USP34: variants seen among roughly 807,000 people sequenced by gnomAD.
USP34 encodes the protein ubiquitin specific peptidase 34, also known as ubiquitin carboxyl-terminal hydrolase 34.
USP34 carries 70 observed loss-of-function variants against 460.3 expected under a neutral mutation model. The ratio of observed to expected loss-of-function variants is 0.15; its 90% CI spans 0.13 to 0.19. The LOEUF is 0.19. USP34 is among the 10% of genes least tolerant of loss of function. USP34 has a pLI of 1.00. For missense variants in USP34, 3,985 were observed against 4,236.2 expected (o/e 0.94, Z 1.65); for synonymous variants, 1,647 against 1,405.3 (o/e 1.17, Z -3.85).
chr2:61,371,456 AAG>A (rs1491079544), intron 8 of USP34, among the ~76,000 whole-genome samples: 6 of 151,588 alleles, frequency 4.0e-5, no homozygotes, highest in Admixed American at 4.0e-4. Flanking sequence ...AAAAAAAAAA[AAG>A]GAAAGAAAAC....
At chr2:61,466,235 G>A (rs1695758913) in intron 1 of USP34, among the ~76,000 whole-genome samples, 1 of 151,974 alleles carries the variant, frequency 6.6e-6, no homozygotes, top group South Asian at 2.1e-4. Flanking sequence ...GACCAGCCTG[G>A]CCAACGTGGT....
At chr2:61,316,364 A>C (rs144926897) in intron 23 of USP34, among the ~76,000 whole-genome samples, 2,754 of 142,470 alleles carry the variant, frequency 0.019, 29 homozygotes, top group Non-Finnish European at 0.025. Flanking sequence ...GCGGGTGGAA[A>C]ACTTGAGGTC....
chr2:61,395,292 A>G (rs1693483109), intron 3 of USP34, 59 bp from the exon 4 acceptor site: 2 of 1,030,808 alleles, frequency 1.9e-6, no homozygotes, highest in South Asian at 2.8e-5. Context: ...TTTAAAAAAT[A>G]CAATTCTATA....
In USP34 at chr2:61,265,995, T is replaced by C. The variant is rs1272477518; in HGVS notation, c.5606A>G (p.Gln1869Arg). 1 of 1,604,320 alleles carries C rather than the reference T, an allele frequency of 6.2e-7. No individual in the cohort carries two copies. Among genetic ancestry groups the C allele is most frequent in the African/African-American group, 1.3e-5 (1 of 74,780 alleles). ...YRLIHNWVMA[Q>R]HMQSHAPYKW... ...AGAAGAATGCTTACACTGCATGTGT[T>C]GTGCCATAACCCAGTTGTGTATTAG... Residue 1869 changes from glutamine (Q) to arginine (R), a missense_variant, in exon 42 of 80, where the codon CAA (glutamine) becomes CGA (arginine). By Grantham distance (43) the Gln-to-Arg change is conservative. Coordinates refer to ENST00000398571, the MANE Select transcript of USP34 (RefSeq NM_014709.4).
At chr2:61,386,350 A>C (rs1378936284) in intron 5 of USP34, among the ~76,000 whole-genome samples, 4 of 152,216 alleles carry the variant, frequency 2.6e-5, no homozygotes, top group Non-Finnish European at 5.9e-5. Flanking sequence ...GGAACACTGG[A>C]TATCTGTATG....
rs75918470 is a variant in USP34 at position 61,394,582 on chromosome 2, A to G, written c.753+271T>C. Among the ~76,000 whole-genome samples the G allele has an allele frequency of 2.3e-3, 351 of 152,010 alleles. 6 individuals carry two copies. In the East Asian group the frequency reaches 0.047, roughly 20 times the overall value. On this transcript the variant is annotated intron_variant, in intron 5 of 79. Transcript: ENST00000398571. ...AATAAGTTAAAAAATGAAAATTAGC[A>G]AAAGTTTTATGCAGTCACCTATCTT...
At position 61,230,556 on chromosome 2, in the gene USP34, A is replaced by C. The variant is rs2103830464; in HGVS notation, c.7114-923T>G. Among the ~76,000 whole-genome samples the C allele has an allele frequency of 2.0e-5, 3 of 152,016 alleles. No homozygotes were observed. In the Middle Eastern group the frequency reaches 0.01, roughly 517 times the overall value. ...ACACCAACCAACCAACCAAACAAAAAACACCAGTTTACCGCTGGTGCAGTG... is the reference window on the plus strand; with the variant it reads ...ACACCAACCAACCAACCAAACAAAACACACCAGTTTACCGCTGGTGCAGTG... On this transcript the variant is annotated intron_variant, in intron 58 of 79. Coordinates refer to ENST00000398571, the MANE Select transcript of USP34 (RefSeq NM_014709.4).
In USP34 at chr2:61,229,472, A is replaced by C. The variant is rs1196064689; in HGVS notation, c.7199+76T>G. The C allele has an allele frequency of 2.8e-3, 1,954 of 694,356 alleles. 9 individuals carry two copies. The highest frequency in any genetic ancestry group is 3.3e-3 in the Non-Finnish European group (1,643 of 493,002). 43.0% of individuals were successfully genotyped at this position (694,356 alleles called of 1,614,324 possible). On this transcript the variant is annotated intron_variant, in intron 59 of 79. Coordinates refer to ENST00000398571, the MANE Select transcript of USP34 (RefSeq NM_014709.4). The stretch of plus-strand genomic sequence containing the variant: ...CCCTATCTCTTAAAAAAAAAAAAAA[A>C]AAACAAAAAAAAAAAACAAAAACAC...
chr2:61,452,568 C>T (rs115202596), intron 1 of USP34, among the ~76,000 whole-genome samples: 2,206 of 151,866 alleles, frequency 0.015, 43 homozygotes, highest in African/African-American at 0.049. Flanking sequence ...GTGATCCACC[C>T]GCCTCAGCCT....
At chr2:61,207,692 A>G (rs1390161838) in intron 70 of USP34, 1 of 152,220 alleles carries the variant, frequency 6.6e-6, no homozygotes, top group African/African-American at 2.4e-5. Flanking sequence ...TTTTTTTTCT[A>G]AAAATACAAC....
intron 7 of USP34, among the ~76,000 whole-genome samples, chr2:61,379,780 A>G (rs767254112): frequency 1.3e-5 from 2 of 152,266 alleles, no homozygotes; most frequent in African/African-American, 2.4e-5. Flanking sequence ...CAAAACAAAC[A>G]TTTAGTAAAA....
At chr2:61,231,734 T>C (rs1306316094) in intron 58 of USP34, among the ~76,000 whole-genome samples, 2 of 150,704 alleles carry the variant, frequency 1.3e-5, no homozygotes, top group Admixed American at 1.3e-4. Flanking sequence ...AAAACAAAAT[T>C]ACCAGGTGTG....
intron 1 of USP34, among the ~76,000 whole-genome samples, chr2:61,442,686 G>T (rs752001763): frequency 6.6e-6 from 1 of 152,134 alleles, no homozygotes; most frequent in East Asian, 1.9e-4. Flanking sequence ...AGCCACTATA[G>T]AGAACAGTAT....
In USP34 at chr2:61,280,271, G is replaced by T; in HGVS notation, c.5229C>A (p.Asp1743Glu). Residue 1743 changes from aspartate to glutamate, a missense_variant, in exon 39 of 80, where the codon GAC (aspartate) becomes GAA (glutamate). By Grantham distance (45) the Asp-to-Glu change is conservative (BLOSUM62 2). Around this residue, in one of 14 missense-constraint regions of USP34, gnomAD observed 1,114 missense variants for 1,122.5 expected, o/e 0.99. Coordinates refer to ENST00000398571, the MANE Select transcript of USP34 (RefSeq NM_014709.4). ...EYFWLLCKLV[D>E]NIHIKDASQT... The stretch of plus-strand genomic sequence containing the variant: ...GACTAGCGTCCTTTATATGTATGTT[G>T]TCAACTAATTTGCATAACAACCAAA... 6.4e-7 allele frequency: 1 copy of T among 1,559,758 alleles called. No homozygotes were observed. The highest frequency in any genetic ancestry group is 8.7e-7 in the Non-Finnish European group (1 of 1,154,336).
chr2:61,249,565 C>T (rs1688517779), intron 48 of USP34, among the ~76,000 whole-genome samples: 1 of 152,214 alleles, frequency 6.6e-6, no homozygotes, highest in Non-Finnish European at 1.5e-5. Flanking sequence ...TATTCTAAAT[C>T]ACATTCTTAT....
chr2:61,426,887 G>A (rs1694527883), intron 1 of USP34, among the ~76,000 whole-genome samples: 1 of 152,204 alleles, frequency 6.6e-6, no homozygotes, highest in Non-Finnish European at 1.5e-5. Flanking sequence ...GAGAAAGTAA[G>A]GAAAGAGAAC....
At chr2:61,341,257 A>G (rs1194617203) in intron 16 of USP34, among the ~76,000 whole-genome samples, 1 of 152,240 alleles carries the variant, frequency 6.6e-6, no homozygotes, top group Non-Finnish European at 1.5e-5. Flanking sequence ...ATAAAGCAGC[A>G]CACATGAACA....
chr2:61,283,550 C>T (rs996396775), intron 35 of USP34, 101 bp from the exon 36 acceptor site: 11 of 1,293,238 alleles, frequency 8.5e-6, no homozygotes, highest in South Asian at 1.5e-5. Flanking sequence ...ACTTCCCCCC[C>T]AAAAAAGGAA....
chr2:61,297,415 G>C (rs1690061688), intron 29 of USP34, among the ~76,000 whole-genome samples: 1 of 152,192 alleles, frequency 6.6e-6, no homozygotes, highest in South Asian at 2.1e-4. Context: ...AACAATTTTA[G>C]AGACCTATTT....
Sources: allele counts gnomAD v4.1 joint callset (sites outside exome capture counted in the v4.1 genomes callset), GRCh38; gene constraint gnomAD v4.1.1; regional missense constraint gnomAD v4.1.1; transcripts MANE v1.5; gene names NCBI Gene and HGNC (gene_info 2026-07-23, HGNC 2026-07-21).